Variants in PLCH1 observed in about 807,000 individuals in gnomAD.
PLCH1 encodes the protein 1-phosphatidylinositol 4,5-bisphosphate phosphodiesterase eta-1.
Under a neutral mutation model 126.7 loss-of-function variants are expected in PLCH1, and 60 were observed. That is an observed-to-expected ratio of 0.47 (90% CI 0.38 to 0.59). The LOEUF is 0.59. PLCH1 is among the 20% of genes least tolerant of loss of function. The pLI, the probability that PLCH1 is intolerant of heterozygous loss-of-function variation, is 0.00. For missense variants in PLCH1, 1,723 were observed against 2,040.0 expected, an observed-to-expected ratio of 0.84 and a Z score of 2.99; for synonymous variants, 719 against 734.9, an observed-to-expected ratio of 0.98 and a Z score of 0.35.
chr3:155,501,649 G>T (rs1717921726), intron 13 of PLCH1, among the ~76,000 whole-genome samples: 1 of 152,044 alleles, frequency 6.6e-6, no homozygotes. Flanking sequence ...ACAAAAATTA[G>T]CTGGGCGTGG....
intron 21 of PLCH1, among the ~76,000 whole-genome samples, chr3:155,468,674 C>G (rs1161730425): frequency 1.3e-5 from 2 of 152,050 alleles, no homozygotes; most frequent in Non-Finnish European, 2.9e-5. Context: ...ACAAAGGGGT[C>G]AATTCAGCAA....
At chr3:155,709,090 C>T (rs535324820) in intron 1 of PLCH1, among the ~76,000 whole-genome samples, 61 of 152,282 alleles carry the variant, frequency 4.0e-4, no homozygotes, top group Non-Finnish European at 6.9e-4. Context: ...TAATGTTCTA[C>T]GTCTTTTCAT....
chr3:155,512,370 C>G (rs1286566788), intron 12 of PLCH1, among the ~76,000 whole-genome samples: 1 of 152,182 alleles, frequency 6.6e-6, no homozygotes, highest in African/African-American at 2.4e-5. Flanking sequence ...GATGCAGACT[C>G]TCTCCCTACT....
chr3:155,483,102 C>A, intron 22 of PLCH1, 51 bp from the exon 23 acceptor site: 1 of 1,461,250 alleles, frequency 6.8e-7, no homozygotes. Context: ...TTATGTAGGA[C>A]CTGCAAACAC....
chr3:155,733,680 A>G (rs1264043191), intron 1 of PLCH1, among the ~76,000 whole-genome samples: 10 of 152,122 alleles, frequency 6.6e-5, no homozygotes, highest in Non-Finnish European at 1.5e-4. Flanking sequence ...ATATGACCCC[A>G]AAAGCACAAT....
At chr3:155,585,850 CA>C (rs1731290360) in intron 5 of PLCH1, among the ~76,000 whole-genome samples, 1 of 152,080 alleles carries the variant, frequency 6.6e-6, no homozygotes, top group African/African-American at 2.4e-5. Context: ...GCAACGATAA[CA>C]AAAAAGCGTT....
At position 155,593,937 on chromosome 3, in the gene PLCH1, A is replaced by C; in HGVS notation, c.470+4T>G. On this transcript the variant is annotated splice_donor_region_variant and intron_variant, in intron 4 of 22. Coordinates refer to ENST00000460012, the MANE Select transcript of PLCH1 (RefSeq NM_014996.4). ...AGCTGAAAATAAAGTTCTAGAAAGGATATTGGTCATGGGTCCTCTGCCTTT... is the reference window on the plus strand; with the variant it reads ...AGCTGAAAATAAAGTTCTAGAAAGGCTATTGGTCATGGGTCCTCTGCCTTT... 1 of 1,613,884 alleles carries C rather than the reference A, an allele frequency of 6.2e-7. No individual in the cohort carries two copies. The highest frequency in any genetic ancestry group is 8.5e-7 in the Non-Finnish European group (1 of 1,179,862).
At chr3:155,559,778 C>T (rs1346935422) in intron 8 of PLCH1, among the ~76,000 whole-genome samples, 2 of 152,152 alleles carry the variant, frequency 1.3e-5, no homozygotes, top group African/African-American at 4.8e-5. Context: ...CTTTATATTA[C>T]AGCAGCGACT....
intron 2 of PLCH1, among the ~76,000 whole-genome samples, chr3:155,690,358 CA>C (rs1330703383): frequency 6.6e-6 from 1 of 152,170 alleles, no homozygotes; most frequent in Non-Finnish European, 1.5e-5. Context: ...AGAGGATGCA[CA>C]AATGTACATG....
chr3:155,572,106 C>CT (rs955943701), intron 6 of PLCH1, among the ~76,000 whole-genome samples: 1 of 152,152 alleles, frequency 6.6e-6, no homozygotes, highest in Non-Finnish European at 1.5e-5. Context: ...ATGAATTGTG[C>CT]TTTTTTTCTC....
At chr3:155,496,488 T>C (rs976188805) in intron 15 of PLCH1, among the ~76,000 whole-genome samples, 1 of 151,306 alleles carries the variant, frequency 6.6e-6, no homozygotes, top group African/African-American at 2.4e-5. Context: ...TTTCTGCAAA[T>C]AGAAAAAGAT....
At chr3:155,513,850 G>T (rs1576877030) in intron 12 of PLCH1, among the ~76,000 whole-genome samples, 1 of 152,262 alleles carries the variant, frequency 6.6e-6, no homozygotes, top group Admixed American at 6.5e-5. Flanking sequence ...ACTGTTTCAG[G>T]AAGGACACTT....
Position 155,514,903 on chromosome 3 carries a change from C to T in PLCH1, c.1471-19G>A, listed in dbSNP as rs2108242175. The stretch of plus-strand genomic sequence containing the variant: ...CATTACTCTGCAAAGAATTAAGTAA[C>T]ACAAATGATTTCCTTAAGAAACACA... On this transcript the variant is annotated intron_variant, in intron 11 of 22. Coordinates refer to ENST00000460012, the MANE Select transcript of PLCH1 (RefSeq NM_014996.4). 1 of 1,545,104 alleles carries T rather than the reference C, an allele frequency of 6.5e-7. No homozygotes were observed.
At chr3:155,527,480 C>T (rs557632195) in intron 10 of PLCH1, among the ~76,000 whole-genome samples, 1 of 152,308 alleles carries the variant, frequency 6.6e-6, no homozygotes, top group South Asian at 2.1e-4. Context: ...AGCTCTTGAC[C>T]TTGAGTCCTT....
rs755690420 is a variant in PLCH1, at chr3:155,494,203, C to A, written c.2120G>T (p.Arg707Leu). The stretch of plus-strand genomic sequence containing the variant: ...ATTGCCATTTGCCTTGAATTTGGCT[C>A]GGTTTAACTGCATCATTCGTCCTTC... ...QSEGRMMQLN[R>L]AKFKANGNCG... is the part of the protein sequence containing the mutation. Residue 707 changes from arginine (R) to leucine (L), a missense_variant, in exon 17 of 23, where the codon CGA becomes CTA. Transcript: ENST00000460012. 6.2e-7 allele frequency: 1 copy of A among 1,614,134 alleles called. No homozygotes were observed. The highest frequency in any genetic ancestry group is 1.1e-5 in the South Asian group (1 of 91,082).
chr3:155,743,649 A>C (rs1394933603), intron 1 of PLCH1: 3 of 393,084 alleles, frequency 7.6e-6, no homozygotes, highest in African/African-American at 6.4e-5. Flanking sequence ...ACGCTGAGGC[A>C]ACTGAAAAAA....
chr3:155,683,740 A>T (rs1168488094), intron 2 of PLCH1, among the ~76,000 whole-genome samples: 11 of 152,240 alleles, frequency 7.2e-5, no homozygotes, highest in Non-Finnish European at 1.2e-4. Context: ...GGTTGTTGAC[A>T]GTGACATATA....
chr3:155,480,204 G>A lies in PLCH1; in HGVS notation c.*764C>T, dbSNP rs891270923. On this transcript the variant is annotated 3_prime_UTR_variant, in exon 23 of 23. Coordinates refer to ENST00000460012, the MANE Select transcript of PLCH1 (RefSeq NM_014996.4). The stretch of plus-strand genomic sequence containing the variant: ...TTCTGAAAGCCGTTGTTCGCAGTCT[G>A]TAATTCAATCAGAAAATTCAAAAGT... 6.6e-6 allele frequency: 1 copy of A among 152,630 alleles called. No individual in the cohort carries two copies. The highest frequency in any genetic ancestry group is 1.5e-5 in the Non-Finnish European group (1 of 68,038). 9.5% of individuals were successfully genotyped at this position (152,630 alleles called of 1,614,324 possible).
chr3:155,534,464 G>T (rs1723092292), intron 10 of PLCH1, among the ~76,000 whole-genome samples: 1 of 152,132 alleles, frequency 6.6e-6, no homozygotes, highest in Non-Finnish European at 1.5e-5. Context: ...TAACGAACTT[G>T]CTTTTGATTT....
Sources: gnomAD v4.1 joint callset for allele counts (sites outside exome capture counted in the v4.1 genomes callset) on GRCh38, gnomAD v4.1.1 for gene constraint, MANE v1.5 for transcripts, NCBI Gene and HGNC (gene_info 2026-07-23, HGNC 2026-07-21) for gene names.